The following CSNK1A1 variants were observed in gnomAD, a reference collection of about 807,000 sequenced individuals.
The protein encoded by CSNK1A1 is casein kinase 1 alpha 1, also known as casein kinase I isoform alpha.
In CSNK1A1, 7 loss-of-function variants were observed where a neutral mutation model predicts 46.1. The observed-to-expected ratio is 0.15, with a 90% CI of 0.09 to 0.29. The LOEUF (loss-of-function observed/expected upper bound fraction) is 0.29. Ranked by LOEUF, CSNK1A1 falls within the 10% of genes least tolerant of loss-of-function variation. CSNK1A1 has a pLI of 1.00. For missense variants in CSNK1A1, 96 were observed against 417.1 expected, an observed-to-expected ratio of 0.23 and a Z score of 6.71; for synonymous variants, 137 against 141.5, an observed-to-expected ratio of 0.97 and a Z score of 0.23.
chr5:149,498,793 A>G lies in CSNK1A1; in HGVS notation c.1007-1933T>C, dbSNP rs755405616. 1.9e-4 allele frequency: 184 copies of G among 985,458 alleles called. No homozygotes were observed. The Middle Eastern group carries it at 8.9e-3, about 48-fold the overall frequency. 61.0% of individuals were successfully genotyped at this position (985,458 alleles called of 1,614,324 possible). On this transcript the variant is annotated intron_variant, in intron 9 of 9. Coordinates refer to ENST00000377843, the MANE Select transcript of CSNK1A1 (RefSeq NM_001892.6). ...AATGGCTTTCAAAGGGAAAACCACC[A>G]TCACTAACAAACTAAAATGGAAACA... is the stretch of plus-strand genomic sequence containing the variant.
intron 9 of CSNK1A1, chr5:149,499,096 G>A (rs1760743358): frequency 1.0e-6 from 1 of 985,320 alleles, no homozygotes; most frequent in South Asian, 4.7e-5. Context: ...TGTTACTGAA[G>A]TATGTTTAGG....
intron 2 of CSNK1A1, among the ~76,000 whole-genome samples, chr5:149,533,782 G>A (rs993333288): frequency 1.6e-4 from 24 of 152,166 alleles, no homozygotes; most frequent in African/African-American, 5.5e-4. Context: ...GAACTGGAAG[G>A]TCCAGGGAGA....
intron 2 of CSNK1A1, among the ~76,000 whole-genome samples, chr5:149,528,156 A>G (rs1332987412): frequency 6.6e-6 from 1 of 152,210 alleles, no homozygotes; most frequent in East Asian, 1.9e-4. Context: ...AAGCACACTT[A>G]AAACACACAC....
Position 149,513,674 on chromosome 5 carries a change from C to T in CSNK1A1, c.457-465G>A, listed in dbSNP as rs77778058. 0.016 allele frequency among the ~76,000 whole-genome samples: 2,466 copies of T among 152,074 alleles called. 270 individuals are homozygous for T. The East Asian group carries it at 0.32, about 19-fold the overall frequency. ...CAGCACTTTGGGAGGCTGAGGCAGG[C>T]GGATAACTTGAGGTCAGGAGTTCAA... is the stretch of plus-strand genomic sequence containing the variant. On this transcript the variant is annotated intron_variant, in intron 4 of 9. Coordinates refer to ENST00000377843, the MANE Select transcript of CSNK1A1 (RefSeq NM_001892.6).
chr5:149,511,648 T>A (rs1228970099), intron 6 of CSNK1A1, 146 bp downstream of exon 6: 1 of 608,482 alleles, frequency 1.6e-6, no homozygotes, highest in East Asian at 3.1e-5. Context: ...TTTTCCCAGA[T>A]AAAAGGTAAA....
In CSNK1A1 at chr5:149,551,076, G is replaced by C. The variant is rs561587028; in HGVS notation, c.-112C>G. ...GCTACGGAGGAGGGCGGCAGGAAAC[G>C]GAACACGGAGGCCTTTACCGGGGTT... is the stretch of plus-strand genomic sequence containing the variant. On this transcript the variant is annotated 5_prime_UTR_variant, in exon 1 of 10. Coordinates refer to ENST00000377843, the MANE Select transcript of CSNK1A1 (RefSeq NM_001892.6). 23 of 1,182,384 alleles carry C rather than the reference G, an allele frequency of 1.9e-5. No homozygotes were observed. Among genetic ancestry groups the C allele is most frequent in the Admixed American group, 6.3e-5 (3 of 47,898 alleles). The allele number at this position is 1,182,384 out of a possible 1,614,324, so 73.2% of individuals were successfully genotyped here.
chr5:149,543,071 G>A (rs72823569), intron 2 of CSNK1A1, among the ~76,000 whole-genome samples: 2,496 of 152,174 alleles, frequency 0.016, 34 homozygotes, highest in Admixed American at 0.029. Context: ...ACCCTGAATC[G>A]TAAGCATCTA....
Position 149,544,758 on chromosome 5 carries a change from T to TATACAC in CSNK1A1, c.230+5316_230+5317insGTGTAT, listed in dbSNP as rs1554118057. Among the ~76,000 whole-genome samples the TATACAC allele has an allele frequency of 6.0e-4, 77 of 129,238 alleles. 2 individuals carry two copies. Among genetic ancestry groups the TATACAC allele is most frequent in the African/African-American group, 1.1e-3 (35 of 31,534 alleles). The allele number at this position is 129,238 out of a possible 152,430, so 84.8% of individuals were successfully genotyped here. On this transcript the variant is annotated intron_variant, in intron 2 of 9. Transcript: ENST00000377843. ...AGCTTTATATATATATATATATATA[T>TATACAC]ATATATAGTTATTGACCAATCATGT... is the stretch of plus-strand genomic sequence containing the variant.
At chr5:149,501,291 G>A (rs1445090820) in intron 9 of CSNK1A1, 2 of 985,200 alleles carry the variant, frequency 2.0e-6, no homozygotes, top group African/African-American at 3.5e-5. Context: ...AAAAATTCAA[G>A]ATTTCAGCAA....
At chr5:149,501,274 A>AT in intron 9 of CSNK1A1, 1 of 985,374 alleles carries the variant, frequency 1.0e-6, no homozygotes, top group Non-Finnish European at 1.2e-6. Context: ...TAAAAAAAAA[A>AT]GCTGACAAAA....
At chr5:149,511,919 A>G in intron 5 of CSNK1A1, 47 bp from the exon 6 acceptor site, 1 of 1,418,110 alleles carries the variant, frequency 7.1e-7, no homozygotes, top group Non-Finnish European at 9.8e-7. Flanking sequence ...TTATTATGAA[A>G]AAACATATGA....
chr5:149,549,566 C>T, intron 2 of CSNK1A1: 2 of 697,150 alleles, frequency 2.9e-6, no homozygotes, highest in Non-Finnish European at 2.6e-6. Context: ...GAGAAAAGGG[C>T]AGGAATATGG....
At chr5:149,532,342 T>C (rs1761929212) in intron 2 of CSNK1A1, among the ~76,000 whole-genome samples, 1 of 151,688 alleles carries the variant, frequency 6.6e-6, no homozygotes, top group South Asian at 2.1e-4. Flanking sequence ...GCTGAGATCA[T>C]ACTGTTGCAC....
chr5:149,512,401 T>C (rs920728230), intron 5 of CSNK1A1, among the ~76,000 whole-genome samples: 6 of 152,156 alleles, frequency 3.9e-5, no homozygotes, highest in Admixed American at 2.6e-4. Context: ...CAGATATTCA[T>C]GGATATTTCT....
chr5:149,506,505 G>A (rs1761031304), intron 8 of CSNK1A1, among the ~76,000 whole-genome samples: 1 of 152,144 alleles, frequency 6.6e-6, no homozygotes. Context: ...CCAAAGTGCT[G>A]GGATTACAGG....
intron 4 of CSNK1A1, among the ~76,000 whole-genome samples, chr5:149,518,864 C>T (rs1279965405): frequency 6.6e-6 from 1 of 151,932 alleles, no homozygotes; most frequent in Non-Finnish European, 1.5e-5. Context: ...AAACCACGTA[C>T]TGCAATGTCA....
intron 2 of CSNK1A1, among the ~76,000 whole-genome samples, chr5:149,531,906 C>T (rs1308016055): frequency 1.3e-5 from 2 of 151,608 alleles, no homozygotes; most frequent in Admixed American, 6.6e-5. Context: ...TTTTTTGAGA[C>T]AGGATCTCAC....
chr5:149,508,620 C>T (rs1323348579), intron 7 of CSNK1A1, among the ~76,000 whole-genome samples: 1 of 152,224 alleles, frequency 6.6e-6, no homozygotes, highest in East Asian at 1.9e-4. Flanking sequence ...GAGTGTGATT[C>T]AAACTGTCTT....
Position 149,517,066 on chromosome 5 carries a change from A to G in CSNK1A1, c.456+3224T>C, listed in dbSNP as rs2113105059. Among the ~76,000 whole-genome samples, 1 of 152,218 alleles carries G rather than the reference A, an allele frequency of 6.6e-6. No homozygotes were observed. The highest frequency in any genetic ancestry group is 1.9e-4 in the East Asian group (1 of 5,206). On this transcript the variant is annotated intron_variant, in intron 4 of 9. Transcript: ENST00000377843. This position sits in a 1 kb window ranked among gnomAD's most constrained non-coding sequence, Gnocchi z 4.4. Reference sequence around the variant, plus strand: ...TCAACAAAAGTGTAACAAAATATGAAGAGTTCTACTTACAAATTTAGAAAA... The same window carrying G: ...TCAACAAAAGTGTAACAAAATATGAGGAGTTCTACTTACAAATTTAGAAAA...
Sources: allele counts gnomAD v4.1 joint callset (sites outside exome capture counted in the v4.1 genomes callset), GRCh38; gene constraint gnomAD v4.1.1; non-coding constraint Gnocchi (gnomAD v3.1); transcripts MANE v1.5; gene names NCBI Gene and HGNC (gene_info 2026-07-23, HGNC 2026-07-21).